The following NSMCE2 variants were observed in gnomAD, a reference collection of about 807,000 sequenced individuals.
The protein encoded by NSMCE2 is NSE2 SUMO ligase component of SMC5/6 complex.
Under a neutral mutation model 23.8 loss-of-function variants are expected in NSMCE2, and 24 were observed. The observed-to-expected ratio is 1.01, with a 90% CI of 0.73 to 1.42. NSMCE2 has a LOEUF of 1.42. Among genes scored for constraint, NSMCE2 ranks in the 40% most tolerant of loss-of-function variants. The probability of loss-of-function intolerance (pLI) is 0.00; values close to 1 mark genes in which losing one functional copy is unlikely to be tolerated. For synonymous variants in NSMCE2, 92 were observed against 94.1 expected (o/e 0.98, Z 0.13); for missense variants, 284 against 296.5 (o/e 0.96, Z 0.31).
At chr8:125,152,043 A>G (rs1013796167) in intron 4 of NSMCE2, among the ~76,000 whole-genome samples, 2 of 152,238 alleles carry the variant, frequency 1.3e-5, no homozygotes, top group Non-Finnish European at 2.9e-5. Flanking sequence ...TTACAAGATC[A>G]GTGATTACTC....
chr8:125,284,156 GA>G (rs796903052), intron 5 of NSMCE2, among the ~76,000 whole-genome samples: 1,530 of 92,418 alleles, frequency 0.017, 17 homozygotes, highest in African/African-American at 0.05. Flanking sequence ...TCCGGAAAAA[GA>G]AAAAAAAAAA....
intron 5 of NSMCE2, among the ~76,000 whole-genome samples, chr8:125,284,075 A>AC (rs1827800581): frequency 6.6e-6 from 1 of 151,812 alleles, no homozygotes; most frequent in South Asian, 2.1e-4. Flanking sequence ...AATGGCGTGA[A>AC]CCTGGGAAGC....
chr8:125,340,042 T>C (rs1178321640), intron 5 of NSMCE2, among the ~76,000 whole-genome samples: 1 of 115,132 alleles, frequency 8.7e-6, no homozygotes, highest in Non-Finnish European at 1.7e-5. Context: ...TGAGACGGAG[T>C]CTCGCTCTGT....
chr8:125,333,225 A>G (rs1829944276), intron 5 of NSMCE2, among the ~76,000 whole-genome samples: 1 of 151,834 alleles, frequency 6.6e-6, no homozygotes, highest in Admixed American at 6.6e-5. Flanking sequence ...GCTGAAATAC[A>G]GTGGCACGAT....
chr8:125,282,946 A>G (rs1160587773), intron 5 of NSMCE2, among the ~76,000 whole-genome samples: 1 of 152,226 alleles, frequency 6.6e-6, no homozygotes, highest in East Asian at 1.9e-4. Context: ...TAATTGTAGG[A>G]AGGTAGTCTA....
chr8:125,231,453 A>G (rs1313132637), intron 5 of NSMCE2, among the ~76,000 whole-genome samples: 1 of 152,232 alleles, frequency 6.6e-6, no homozygotes, highest in Non-Finnish European at 1.5e-5. Flanking sequence ...TAGTAGTGAT[A>G]CATCTCAGAG....
At chr8:125,253,532 G>A (rs1217697974) in intron 5 of NSMCE2, among the ~76,000 whole-genome samples, 1 of 152,154 alleles carries the variant, frequency 6.6e-6, no homozygotes, top group Non-Finnish European at 1.5e-5. Context: ...CACTTTAACT[G>A]TGATCCATTC....
At chr8:125,151,141 A>G in intron 3 of NSMCE2, 30 bp from the exon 4 acceptor site, 1 of 1,235,870 alleles carries the variant, frequency 8.1e-7, no homozygotes. Context: ...TTAAATGGAA[A>G]ATAATAATTG....
intron 5 of NSMCE2, among the ~76,000 whole-genome samples, chr8:125,272,310 G>A (rs747162248): frequency 1.1e-4 from 16 of 151,760 alleles, no homozygotes; most frequent in African/African-American, 3.4e-4. Context: ...CACCGCGCCC[G>A]GCAAATCTGC....
intron 3 of NSMCE2, among the ~76,000 whole-genome samples, chr8:125,119,839 T>C (rs1027740974): frequency 6.6e-6 from 1 of 152,140 alleles, no homozygotes; most frequent in African/African-American, 2.4e-5. Flanking sequence ...TTTCTCCCTC[T>C]TCTTTCTGTA....
chr8:125,338,687 CTACTT>C (rs1241997900), intron 5 of NSMCE2, among the ~76,000 whole-genome samples: 2 of 152,168 alleles, frequency 1.3e-5, no homozygotes, highest in Non-Finnish European at 2.9e-5. Flanking sequence ...GTTGTAAACT[CTACTT>C]TACTTCTGGA....
chr8:125,352,911 G>A (rs1272725321), intron 5 of NSMCE2, among the ~76,000 whole-genome samples: 2 of 152,148 alleles, frequency 1.3e-5, no homozygotes, highest in Non-Finnish European at 2.9e-5. Context: ...TTTAGCTATT[G>A]AGAGTCTTTC....
intron 5 of NSMCE2, among the ~76,000 whole-genome samples, chr8:125,254,869 G>A (rs982355742): frequency 5.3e-5 from 8 of 152,070 alleles, no homozygotes; most frequent in African/African-American, 1.2e-4. Context: ...TCATGGGCAC[G>A]TAAAGGAATA....
At chr8:125,169,569 A>T (rs944996448) in intron 4 of NSMCE2, among the ~76,000 whole-genome samples, 4 of 152,070 alleles carry the variant, frequency 2.6e-5, no homozygotes, top group East Asian at 1.9e-4. Flanking sequence ...CACATTTTAC[A>T]TTCCATCTCC....
chr8:125,349,371 A>G (rs1812934708), intron 5 of NSMCE2, among the ~76,000 whole-genome samples: 1 of 152,230 alleles, frequency 6.6e-6, no homozygotes, highest in African/African-American at 2.4e-5. Flanking sequence ...GCAGCCTAAT[A>G]AGCATTTCAA....
intron 3 of NSMCE2, among the ~76,000 whole-genome samples, chr8:125,111,871 G>T (rs561322408): frequency 2.0e-3 from 312 of 152,238 alleles, no homozygotes; most frequent in African/African-American, 7.2e-3. Context: ...ATATTTTCAG[G>T]GCTTGATTTT....
chr8:125,205,270 G>A (rs1040968533), intron 5 of NSMCE2, among the ~76,000 whole-genome samples: 11 of 152,192 alleles, frequency 7.2e-5, no homozygotes, highest in African/African-American at 2.7e-4. Context: ...TTCATCTGGA[G>A]AAGAGTATCT....
rs986884882 is a variant in NSMCE2 at position 125,293,364 on chromosome 8, T to C, written c.419-63855T>C. On this transcript the variant is annotated intron_variant, in intron 5 of 7. Coordinates refer to ENST00000287437, the MANE Select transcript of NSMCE2 (RefSeq NM_173685.4). ...ACTGACGAAAATTTGAAGGACATAATTGTATTTTTAGATACCTCAGATTTA... is the reference window on the plus strand; with the variant it reads ...ACTGACGAAAATTTGAAGGACATAACTGTATTTTTAGATACCTCAGATTTA... Among the ~76,000 whole-genome samples, 22 of 152,330 alleles carry C rather than the reference T, an allele frequency of 1.4e-4. No homozygotes were observed. The Middle Eastern group carries it at 0.01, about 71-fold the overall frequency.
At chr8:125,349,059 A>G (rs74411034) in intron 5 of NSMCE2, among the ~76,000 whole-genome samples, 4,781 of 146,854 alleles carry the variant, frequency 0.033, 112 homozygotes, top group African/African-American at 0.073. Context: ...ACACACACAC[A>G]CACAGAGCTC....
Sources: gnomAD v4.1 joint callset for allele counts (sites outside exome capture counted in the v4.1 genomes callset) on GRCh38, gnomAD v4.1.1 for gene constraint, MANE v1.5 for transcripts, NCBI Gene and HGNC (gene_info 2026-07-23, HGNC 2026-07-21) for gene names.